The following SEZ6L variants were observed in gnomAD, a reference collection of about 807,000 sequenced individuals.
SEZ6L encodes the protein seizure related 6 homolog like.
SEZ6L carries 37 observed loss-of-function variants against 106.2 expected under a neutral mutation model. That is an observed-to-expected ratio of 0.35 (90% CI 0.27 to 0.46). The LOEUF (loss-of-function observed/expected upper bound fraction) is 0.46. SEZ6L is among the 20% of genes least tolerant of loss of function. SEZ6L has a pLI of 1.00. For missense variants in SEZ6L, 1,172 were observed against 1,332.8 expected (o/e 0.88, Z 1.88); for synonymous variants, 541 against 570.4 (o/e 0.95, Z 0.73).
intron 9 of SEZ6L, among the ~76,000 whole-genome samples, chr22:26,323,493 C>A (rs2082214711): frequency 6.6e-6 from 1 of 152,046 alleles, no homozygotes; most frequent in Non-Finnish European, 1.5e-5. Flanking sequence ...ATTAGCCAGG[C>A]ATGGTGGCTT....
At chr22:26,375,786 T>A in intron 15 of SEZ6L, 97 bp downstream of exon 15, 1 of 813,334 alleles carries the variant, frequency 1.2e-6, no homozygotes, top group Non-Finnish European at 2.0e-6. Flanking sequence ...GGTCTCCACC[T>A]GGAGCTCGGG....
rs187367310 is a variant in SEZ6L, at chr22:26,348,125, C to T, written c.2407+212C>T. Among the ~76,000 whole-genome samples, 467 of 152,150 alleles carry T rather than the reference C, an allele frequency of 3.1e-3. 1 individual carries two copies. Among genetic ancestry groups the T allele is most frequent in the Non-Finnish European group, 4.4e-3 (299 of 68,014 alleles). ...TCAGAAACCTGGACCATAATGTAAA[C>T]GAGTGAGATAAGCTGGGTGTGAGAC... On this transcript the variant is annotated intron_variant, in intron 11 of 16. Coordinates refer to ENST00000248933, the MANE Select transcript of SEZ6L (RefSeq NM_021115.5).
At chr22:26,344,245 T>C (rs2082937975) in intron 10 of SEZ6L, among the ~76,000 whole-genome samples, 2 of 152,218 alleles carry the variant, frequency 1.3e-5, no homozygotes, top group African/African-American at 4.8e-5. Flanking sequence ...TGAATTCTAC[T>C]CCCAGAATTC....
chr22:26,276,132 C>T (rs1423735978), intron 1 of SEZ6L, among the ~76,000 whole-genome samples: 1 of 152,210 alleles, frequency 6.6e-6, no homozygotes, highest in Non-Finnish European at 1.5e-5. Context: ...CCTGTTGTGT[C>T]TAAAGAGAGT....
At chr22:26,233,828 G>C (rs1263424805) in intron 1 of SEZ6L, among the ~76,000 whole-genome samples, 1 of 152,190 alleles carries the variant, frequency 6.6e-6, no homozygotes, top group South Asian at 2.1e-4. Flanking sequence ...TCCCTAGAAA[G>C]GTAGTCCCCC....
chr22:26,375,379 G>A (rs1568958761), intron 14 of SEZ6L, among the ~76,000 whole-genome samples, 196 bp from the exon 15 acceptor site: 1 of 152,106 alleles, frequency 6.6e-6, no homozygotes, highest in Non-Finnish European at 1.5e-5. Context: ...CCCACCAAAG[G>A]ATGAGTCTGG....
At chr22:26,330,613 G>A (rs2082450695) in intron 9 of SEZ6L, among the ~76,000 whole-genome samples, 1 of 152,184 alleles carries the variant, frequency 6.6e-6, no homozygotes, top group South Asian at 2.1e-4. Context: ...GACAGCAAGA[G>A]ATGGGCTGAG....
intron 3 of SEZ6L, among the ~76,000 whole-genome samples, chr22:26,295,588 G>A (rs887754526): frequency 5.3e-5 from 8 of 152,104 alleles, no homozygotes; most frequent in Admixed American, 3.9e-4. Context: ...AAATAAACTG[G>A]AGAAAACCTG....
chr22:26,181,335 T>A (rs1459846019), intron 1 of SEZ6L, among the ~76,000 whole-genome samples: 1 of 152,190 alleles, frequency 6.6e-6, no homozygotes, highest in African/African-American at 2.4e-5. Context: ...GGCCTCCACC[T>A]TCTATGCCCC....
intron 14 of SEZ6L, 127 bp downstream of exon 14, chr22:26,373,610 A>C: frequency 1.3e-6 from 1 of 749,218 alleles, no homozygotes; most frequent in African/African-American, 1.8e-5. Flanking sequence ...CAGACTGCCA[A>C]AGATAATCTT....
intron 1 of SEZ6L, among the ~76,000 whole-genome samples, chr22:26,193,637 C>G (rs1307354525): frequency 6.6e-6 from 1 of 152,214 alleles, no homozygotes; most frequent in African/African-American, 2.4e-5. Flanking sequence ...CTGTTAACAG[C>G]CTGTGCAAAT....
At chr22:26,316,927 G>GAAAGAAAGAAAGAA (rs1328102659) in intron 9 of SEZ6L, among the ~76,000 whole-genome samples, 9 of 151,062 alleles carry the variant, frequency 6.0e-5, no homozygotes, top group South Asian at 2.1e-4. Context: ...GAAAGAAAAA[G>GAAAGAAAGAAAGAA]AAAGAAAGAA....
chr22:26,318,980 T>C (rs2082080470), intron 9 of SEZ6L, among the ~76,000 whole-genome samples: 1 of 152,122 alleles, frequency 6.6e-6, no homozygotes, highest in Admixed American at 6.5e-5. Flanking sequence ...GTAGCATCTG[T>C]CAATTTCCAC....
rs947872784 is a variant in SEZ6L at position 26,222,054 on chromosome 22, C to T, written c.94+52291C>T. On this transcript the variant is annotated intron_variant, in intron 1 of 16. Transcript: ENST00000248933. The stretch of plus-strand genomic sequence containing the variant: ...AAGACAGTTTCCCAGAACATGGGCC[C>T]GGTACTCCCTCCACATAATCGCCTG... Among the ~76,000 whole-genome samples, 7 of 152,142 alleles carry T rather than the reference C, an allele frequency of 4.6e-5. No homozygotes were observed. The East Asian group carries it at 7.7e-4, about 17-fold the overall frequency.
chr22:26,299,235 G>A, intron 5 of SEZ6L, 66 bp downstream of exon 5: 2 of 1,265,208 alleles, frequency 1.6e-6, no homozygotes, highest in East Asian at 6.2e-5. Flanking sequence ...CCAACCTGTA[G>A]GACACCGAGA....
Position 26,311,865 on chromosome 22 carries a change from C to G in SEZ6L, c.1779C>G (p.Thr593=), listed in dbSNP as rs780090364. ...TYNIGTIVEF[T]CDPGHSLEQG... ...ACATTGGGACTATAGTGGAGTTCAC[C>G]TGCGACCCCGGCCACTCCCTGGAGC... The change falls in exon 8 of 17, where the codon ACC becomes ACG. Residue 593 remains threonine, a synonymous_variant. Coordinates refer to ENST00000248933, the MANE Select transcript of SEZ6L (RefSeq NM_021115.5). 1 of 1,614,170 alleles carries G rather than the reference C, an allele frequency of 6.2e-7. No individual in the cohort carries two copies. The highest frequency in any genetic ancestry group is 8.5e-7 in the Non-Finnish European group (1 of 1,180,028).
intron 1 of SEZ6L, among the ~76,000 whole-genome samples, chr22:26,191,881 G>A (rs1940243529): frequency 6.6e-6 from 1 of 152,132 alleles, no homozygotes; most frequent in Non-Finnish European, 1.5e-5. Context: ...TTGTGTTCAA[G>A]TGATTGTGAC....
intron 11 of SEZ6L, among the ~76,000 whole-genome samples, chr22:26,348,728 G>A (rs2083154994): frequency 3.1e-5 from 1 of 31,842 alleles, no homozygotes; most frequent in Non-Finnish European, 6.9e-5. Context: ...AGGGAGGGAA[G>A]GGAGGGAAGG....
At chr22:26,177,137 A>T (rs1939063208) in intron 1 of SEZ6L, among the ~76,000 whole-genome samples, 1 of 152,164 alleles carries the variant, frequency 6.6e-6, no homozygotes, top group African/African-American at 2.4e-5. Flanking sequence ...ATCTGAATTT[A>T]ATTCCTGACT....
Sources: allele counts gnomAD v4.1 joint callset (sites outside exome capture counted in the v4.1 genomes callset), GRCh38; gene constraint gnomAD v4.1.1; transcripts MANE v1.5; gene names NCBI Gene and HGNC (gene_info 2026-07-23, HGNC 2026-07-21).